Variants in BNC2 observed in about 807,000 individuals in gnomAD.
BNC2 encodes zinc finger protein basonuclin-2.
A neutral mutation model predicts 76.3 loss-of-function variants in BNC2; 20 were observed. The ratio of observed to expected loss-of-function variants is 0.26; its 90% confidence interval spans 0.18 to 0.38. The LOEUF (loss-of-function observed/expected upper bound fraction) is 0.38. BNC2 is among the 10% of genes least tolerant of loss of function. The pLI is 1.00. For missense variants in BNC2, 1,382 were observed against 1,399.8 expected (o/e 0.99, Z 0.20); for synonymous variants, 582 against 514.8 (o/e 1.13, Z -1.77).
intron 5 of BNC2, among the ~76,000 whole-genome samples, chr9:16,518,584 TGTTGTTG>T (rs1563821266): frequency 2.4e-4 from 33 of 138,496 alleles, no homozygotes; most frequent in African/African-American, 6.2e-4. Flanking sequence ...ATATATTTTT[TGTTGTTG>T]TTGTTGTTGT....
chr9:16,858,071 T>A (rs1351176996), intron 1 of BNC2, among the ~76,000 whole-genome samples: 1 of 152,196 alleles, frequency 6.6e-6, no homozygotes, highest in Non-Finnish European at 1.5e-5. Flanking sequence ...CTGGACCAGT[T>A]ATTTTGGGTT....
chr9:16,651,585 T>TA (rs1240279018), intron 3 of BNC2, among the ~76,000 whole-genome samples: 9 of 152,172 alleles, frequency 5.9e-5, no homozygotes, highest in African/African-American at 2.2e-4. Flanking sequence ...TTCCTCACGT[T>TA]AAATTACTGA....
chr9:16,424,561 T>C lies in BNC2; in HGVS notation c.2640-4912A>G, dbSNP rs569983821. Among the ~76,000 whole-genome samples, 4 of 152,282 alleles carry C rather than the reference T, an allele frequency of 2.6e-5. No individual in the cohort carries two copies. The South Asian group carries it at 6.2e-4, about 24-fold the overall frequency. On this transcript the variant is annotated intron_variant, in intron 6 of 6. Transcript: ENST00000380672. ...CAAATGATATTGTACAGAATGATCA[T>C]AACAACATATACATAGCGTAACAAT...
intron 6 of BNC2, among the ~76,000 whole-genome samples, chr9:16,427,851 C>T (rs981222965): frequency 1.3e-5 from 2 of 152,180 alleles, no homozygotes; most frequent in Non-Finnish European, 1.5e-5. Flanking sequence ...CCTAATCAAC[C>T]GAGCACCACT....
At chr9:16,474,706 A>C (rs1327032556) in intron 5 of BNC2, among the ~76,000 whole-genome samples, 3 of 152,192 alleles carry the variant, frequency 2.0e-5, no homozygotes, top group Non-Finnish European at 4.4e-5. Context: ...AAAGTGTTTT[A>C]ATTGCACTTG....
chr9:16,664,361 A>G (rs1822203111), intron 3 of BNC2, among the ~76,000 whole-genome samples: 1 of 152,114 alleles, frequency 6.6e-6, no homozygotes, highest in African/African-American at 2.4e-5. Flanking sequence ...TCTGACTCTC[A>G]CTACCCCTCC....
At chr9:16,811,137 G>A (rs1818039230) in intron 1 of BNC2, among the ~76,000 whole-genome samples, 1 of 150,650 alleles carries the variant, frequency 6.6e-6, no homozygotes, top group South Asian at 2.1e-4. Flanking sequence ...GCAGGAGAAT[G>A]GCATGAACCC....
At chr9:16,763,556 C>T (rs28626673) in intron 1 of BNC2, among the ~76,000 whole-genome samples, 14,935 of 151,572 alleles carry the variant, frequency 0.099, 921 homozygotes, top group Admixed American at 0.19. Context: ...AGTGACAGAG[C>T]AAGACCCTGT....
intron 5 of BNC2, among the ~76,000 whole-genome samples, chr9:16,520,127 C>A (rs150573616): frequency 6.6e-6 from 1 of 152,344 alleles, no homozygotes; most frequent in East Asian, 1.9e-4. Flanking sequence ...TGCACACGCA[C>A]AGTAGTTCCA....
intron 5 of BNC2, among the ~76,000 whole-genome samples, chr9:16,438,289 A>AT (rs1176235891): frequency 2.0e-5 from 3 of 152,184 alleles, no homozygotes; most frequent in African/African-American, 7.2e-5. Context: ...CTTGTTATAA[A>AT]TGACAGTCAT....
intron 2 of BNC2, among the ~76,000 whole-genome samples, chr9:16,736,479 CTT>C (rs1161339565): frequency 2.8e-5 from 4 of 141,236 alleles, no homozygotes; most frequent in Admixed American, 7.1e-5. Flanking sequence ...ATGATTATTT[CTT>C]TTTTTTTTTT....
chr9:16,622,949 T>G (rs1352882486), intron 3 of BNC2, among the ~76,000 whole-genome samples: 2 of 152,144 alleles, frequency 1.3e-5, no homozygotes, highest in Non-Finnish European at 2.9e-5. Context: ...ACCCTAATAT[T>G]AATAAACCTT....
chr9:16,556,640 C>T (rs748654715), intron 4 of BNC2, among the ~76,000 whole-genome samples: 4 of 143,060 alleles, frequency 2.8e-5, no homozygotes, highest in African/African-American at 9.0e-5. Context: ...TGATGGTGCG[C>T]GCCTGTAGTC....
At chr9:16,741,682 G>A (rs1309393931) in intron 1 of BNC2, among the ~76,000 whole-genome samples, 1 of 152,044 alleles carries the variant, frequency 6.6e-6, no homozygotes, top group African/African-American at 2.4e-5. Flanking sequence ...ACCATGACAG[G>A]TGCGGTGGCT....
At chr9:16,756,931 C>T (rs1825401003) in intron 1 of BNC2, among the ~76,000 whole-genome samples, 2 of 150,800 alleles carry the variant, frequency 1.3e-5, no homozygotes, top group Non-Finnish European at 2.9e-5. Context: ...GTGGAGCTTG[C>T]AGTGAGCCAA....
intron 3 of BNC2, among the ~76,000 whole-genome samples, chr9:16,697,289 G>A (rs781486014): frequency 7.2e-5 from 11 of 152,120 alleles, no homozygotes; most frequent in Non-Finnish European, 1.0e-4. Flanking sequence ...ACCAGGTAGT[G>A]AGCCGAGATT....
intron 5 of BNC2, among the ~76,000 whole-genome samples, chr9:16,469,660 C>G (rs1432871430): frequency 6.6e-6 from 1 of 152,128 alleles, no homozygotes. Flanking sequence ...GGGTAACAGG[C>G]AGAGGCTGGA....
rs200487882 is a variant in BNC2, at chr9:16,435,982, T to C, written c.2212A>G (p.Met738Val). Residue 738 changes from methionine (M) to valine (V), a missense_variant, in exon 6 of 7, where the codon ATG becomes GTG. This residue lies in a region of BNC2 where 798 missense variants were observed against 775.5 expected (regional missense o/e 1.03). Coordinates refer to ENST00000380672, the MANE Select transcript of BNC2 (RefSeq NM_017637.6). ...CTGTGAATGTGCTCATCCCCTTCCA[T>C]GGATTCCTCGCCCAGTTTGGGCTCC... ...SSEPKLGEESMEGDEHIHSEV... is the reference protein window; with the variant it reads ...SSEPKLGEESVEGDEHIHSEV... 11 of 1,614,186 alleles carry C rather than the reference T, an allele frequency of 6.8e-6. No homozygotes were observed. In the African/African-American group the frequency reaches 9.3e-5, roughly 14 times the overall value.
At chr9:16,837,677 C>A (rs1161617021) in intron 1 of BNC2, among the ~76,000 whole-genome samples, 1 of 152,124 alleles carries the variant, frequency 6.6e-6, no homozygotes, top group Non-Finnish European at 1.5e-5. Flanking sequence ...TACTTTCAAA[C>A]ATGTTATCAC....
Sources: gnomAD v4.1 joint callset for allele counts (sites outside exome capture counted in the v4.1 genomes callset) on GRCh38, gnomAD v4.1.1 for gene constraint, gnomAD v4.1.1 regional missense constraint, MANE v1.5 for transcripts, NCBI Gene and HGNC (gene_info 2026-07-23, HGNC 2026-07-21) for gene names.